Variants in TMTC4 observed in about 807,000 individuals in gnomAD.
TMTC4 encodes the protein transmembrane O-mannosyltransferase targeting cadherins 4.
Under a neutral mutation model 86.0 loss-of-function variants are expected in TMTC4, and 65 were observed. That is an observed-to-expected ratio of 0.76 (90% CI 0.62 to 0.93). TMTC4 has a LOEUF of 0.93. Ranked by LOEUF, TMTC4 falls within the 40% of genes least tolerant of loss-of-function variation. The probability of loss-of-function intolerance (pLI) is 0.00; values close to 1 mark genes in which losing one functional copy is unlikely to be tolerated. For synonymous variants in TMTC4, 379 were observed against 382.5 expected (o/e 0.99, Z 0.11); for missense variants, 866 against 948.1 (o/e 0.91, Z 1.14).
intron 12 of TMTC4, among the ~76,000 whole-genome samples, chr13:100,627,053 C>T (rs773154311): frequency 5.3e-5 from 8 of 152,168 alleles, no homozygotes; most frequent in Non-Finnish European, 1.0e-4. Context: ...AGGCCCTTAC[C>T]ACACACCCAA....
chr13:100,674,615 G>A (rs1887606867), intron 1 of TMTC4, 129 bp downstream of exon 1: 1 of 982,724 alleles, frequency 1.0e-6, no homozygotes, highest in Non-Finnish European at 1.2e-6. Flanking sequence ...CTCCAGCAGC[G>A]CCGCTCTGGC....
intron 5 of TMTC4, among the ~76,000 whole-genome samples, chr13:100,660,842 C>T (rs565148691): frequency 7.2e-4 from 109 of 152,010 alleles, no homozygotes; most frequent in Middle Eastern, 3.4e-3. Flanking sequence ...TTAGTAGAGA[C>T]GGTTTTTCGC....
At chr13:100,608,585 A>G (rs1877036405) in intron 17 of TMTC4, among the ~76,000 whole-genome samples, 1 of 152,042 alleles carries the variant, frequency 6.6e-6, no homozygotes, top group African/African-American at 2.4e-5. Context: ...TGGGCCTGGG[A>G]GTGGGGTTGG....
At chr13:100,663,248 A>C in intron 4 of TMTC4, 68 bp from the exon 5 acceptor site, 1 of 1,377,710 alleles carries the variant, frequency 7.3e-7, no homozygotes, top group East Asian at 2.3e-5. Flanking sequence ...AAAGGTCTGG[A>C]GGAGAAGGCT....
At chr13:100,635,281 G>A (rs1882064673) in intron 10 of TMTC4, 86 bp from the exon 11 acceptor site, 1 of 1,350,284 alleles carries the variant, frequency 7.4e-7, no homozygotes, top group African/African-American at 1.5e-5. Context: ...TAATGCTAAA[G>A]ACCTTTTCTT....
At chr13:100,674,459 C>G (rs1594403398) in intron 1 of TMTC4, 7 of 911,128 alleles carry the variant, frequency 7.7e-6, no homozygotes, top group Admixed American at 1.3e-4. Flanking sequence ...GACCTCTGCC[C>G]GGGCGGAGAA....
chr13:100,652,504 G>A (rs1233672491), intron 6 of TMTC4, among the ~76,000 whole-genome samples: 3 of 152,066 alleles, frequency 2.0e-5, no homozygotes, highest in South Asian at 2.1e-4. Flanking sequence ...ATAAACATGC[G>A]ACTGTTTAAG....
In TMTC4 at chr13:100,670,417, C is replaced by T; in HGVS notation, c.-55G>A. ...CCAGAAGGAGGCTCAGATTTACAATCCAGAGATGAAACAGGCCGCAACTCT... is the reference window on the plus strand; with the variant it reads ...CCAGAAGGAGGCTCAGATTTACAATTCAGAGATGAAACAGGCCGCAACTCT... On this transcript the variant is annotated 5_prime_UTR_variant, in exon 2 of 19. Transcript: ENST00000342624. The T allele has an allele frequency of 6.3e-7, 1 of 1,586,766 alleles. No individual in the cohort carries two copies. Among genetic ancestry groups the T allele is most frequent in the Admixed American group, 1.8e-5 (1 of 55,064 alleles).
chr13:100,623,821 C>G, intron 15 of TMTC4: 1 of 439,736 alleles, frequency 2.3e-6, no homozygotes, highest in Non-Finnish European at 4.5e-6. Flanking sequence ...CTGGGTCTTG[C>G]CTTTGTGCGG....
chr13:100,672,513 C>A (rs1256975546), intron 1 of TMTC4, among the ~76,000 whole-genome samples: 1 of 152,122 alleles, frequency 6.6e-6, no homozygotes, highest in Non-Finnish European at 1.5e-5. Flanking sequence ...TTTTTTTGAA[C>A]AGGGTTTCAC....
Position 100,647,908 on chromosome 13 carries a change from C to A in TMTC4, c.641-5597G>T, listed in dbSNP as rs147756268. ...ACACAGCCTTCAGGTTTACTGACAA[C>A]CTTCTCCCTAATTTCACCTCATAAT... On this transcript the variant is annotated intron_variant, in intron 6 of 18. Coordinates refer to ENST00000342624, the MANE Select transcript of TMTC4 (RefSeq NM_032813.5). Among the ~76,000 whole-genome samples the A allele has an allele frequency of 1.1e-4, 16 of 152,294 alleles. No individual in the cohort carries two copies. In the East Asian group the frequency reaches 2.5e-3, roughly 24 times the overall value.
Position 100,671,608 on chromosome 13 carries a change from T to C in TMTC4, c.-207-1039A>G, listed in dbSNP as rs1887114548. On this transcript the variant is annotated intron_variant, in intron 1 of 18. Coordinates refer to ENST00000342624, the MANE Select transcript of TMTC4 (RefSeq NM_032813.5). ...GGCTGACTCAGTGGATCTCAGATGA[T>C]CTCCTCCTCTGCTCTTGCAGGGACA... Among the ~76,000 whole-genome samples the C allele has an allele frequency of 1.3e-5, 2 of 152,086 alleles. 1 individual carries two copies. Among genetic ancestry groups the C allele is most frequent in the East Asian group, 3.9e-4 (2 of 5,190 alleles).
intron 7 of TMTC4, 114 bp downstream of exon 7, chr13:100,642,097 C>A: frequency 1.9e-6 from 2 of 1,047,344 alleles, no homozygotes; most frequent in Admixed American, 2.3e-5. Flanking sequence ...CTCAGGCCAG[C>A]AATGGGATGT....
chr13:100,623,880 A>G (rs993701124), intron 15 of TMTC4: 1 of 497,140 alleles, frequency 2.0e-6, no homozygotes, highest in Non-Finnish European at 4.0e-6. Flanking sequence ...TGCACCCACT[A>G]TTCTCTTGTT....
chr13:100,635,094 AG>A lies in TMTC4; in HGVS notation c.1303del (p.Leu435SerfsTer10). The A allele has an allele frequency of 1.9e-6, 3 of 1,614,068 alleles. No homozygotes were observed. The highest frequency in any genetic ancestry group is 2.5e-6 in the Non-Finnish European group (3 of 1,180,028). ...CAGCACACAGTACCCAACGCTGGGGAGGTAGAGGACACGCTCTGCGACCACG... is the reference window on the plus strand; with the variant it reads ...CAGCACACAGTACCCAACGCTGGGGAGTAGAGGACACGCTCTGCGACCACG... The part of the protein sequence containing the change: ...GFVVAERVLY[L>X]PSVGYCVLLT... On this transcript the variant is annotated frameshift_variant, in exon 11 of 19. Transcript: ENST00000342624. LOFTEE classifies it high-confidence loss of function.
intron 15 of TMTC4, among the ~76,000 whole-genome samples, chr13:100,616,776 T>G (rs140601117): frequency 3.3e-5 from 5 of 152,318 alleles, no homozygotes; most frequent in African/African-American, 1.2e-4. Context: ...TTAGTGATGA[T>G]GAGCATTTTC....
At chr13:100,615,977 C>T (rs955778713) in intron 15 of TMTC4, among the ~76,000 whole-genome samples, 1 of 152,210 alleles carries the variant, frequency 6.6e-6, no homozygotes, top group Admixed American at 6.5e-5. Context: ...CTTATGAGAA[C>T]ATGTGGCATT....
At chr13:100,636,801 A>G (rs919009781) in intron 9 of TMTC4, 67 bp from the exon 10 acceptor site, 3 of 1,542,822 alleles carry the variant, frequency 1.9e-6, no homozygotes, top group African/African-American at 1.4e-5. Flanking sequence ...TATACGCACT[A>G]ACTTCACTTT....
intron 7 of TMTC4, among the ~76,000 whole-genome samples, chr13:100,639,397 C>G (rs1323338051): frequency 6.6e-6 from 1 of 152,160 alleles, no homozygotes; most frequent in Non-Finnish European, 1.5e-5. Context: ...AAACCACTTT[C>G]TAGAAGGCAG....
Sources: gnomAD v4.1 joint callset for allele counts (sites outside exome capture counted in the v4.1 genomes callset) on GRCh38, gnomAD v4.1.1 for gene constraint, MANE v1.5 for transcripts, NCBI Gene and HGNC (gene_info 2026-07-23, HGNC 2026-07-21) for gene names.